ADAMTSL2: variants seen among roughly 807,000 people sequenced by gnomAD.
The protein encoded by ADAMTSL2 is ADAMTS like 2.
ADAMTSL2 carries 55 observed loss-of-function variants against 117.0 expected under a neutral mutation model. That is an observed-to-expected ratio of 0.47 (90% CI 0.38 to 0.59). The LOEUF (loss-of-function observed/expected upper bound fraction) is 0.59, where lower values mean the gene tolerates loss of function less well. Among genes scored for constraint, ADAMTSL2 ranks in the 20% least tolerant of loss-of-function variants. The pLI, the probability that ADAMTSL2 is intolerant of heterozygous loss-of-function variation, is 0.00. For missense variants in ADAMTSL2, 1,182 were observed against 1,354.5 expected, an observed-to-expected ratio of 0.87 and a Z score of 2.00; for synonymous variants, 572 against 566.4, an observed-to-expected ratio of 1.01 and a Z score of -0.14.
chr9:133,571,943 G>A (rs902803573), intron 17 of ADAMTSL2, among the ~76,000 whole-genome samples: 1 of 152,232 alleles, frequency 6.6e-6, no homozygotes, highest in Non-Finnish European at 1.5e-5. Flanking sequence ...AAGTGCCCAG[G>A]TGTGTATCAG....
rs1230438445 is a variant in ADAMTSL2, at chr9:133,553,401, G to A, written c.940-956G>A. 5.9e-5 allele frequency among the ~76,000 whole-genome samples: 9 copies of A among 152,102 alleles called. No individual in the cohort carries two copies. In the South Asian group the frequency reaches 6.2e-4, roughly 10 times the overall value. On this transcript the variant is annotated intron_variant, in intron 9 of 18. Transcript: ENST00000651351. Reference sequence around the variant, plus strand: ...CGAGGGTGTCTTTCTCTGCGGCTGCGCAGACCCTCACCCTCACCTTTCCAT... The same window carrying A: ...CGAGGGTGTCTTTCTCTGCGGCTGCACAGACCCTCACCCTCACCTTTCCAT...
intron 13 of ADAMTSL2, 29 bp downstream of exon 13, chr9:133,567,091 G>A: frequency 6.3e-7 from 1 of 1,590,316 alleles, no homozygotes; most frequent in African/African-American, 1.3e-5. Context: ...CCTGGGCAGG[G>A]GGTCGGCAGG....
chr9:133,565,316 C>G lies in ADAMTSL2; in HGVS notation c.1748-1620C>G, dbSNP rs370961970. 3.1e-4 allele frequency among the ~76,000 whole-genome samples: 47 copies of G among 152,286 alleles called. No individual in the cohort carries two copies. The East Asian group carries it at 5.4e-3, about 18-fold the overall frequency. Reference sequence around the variant, plus strand: ...CATGCTGAGGCCTGGAGTCTGGTCACGGTCACGTCACCCCAGGGAGGCACT... The same window carrying G: ...CATGCTGAGGCCTGGAGTCTGGTCAGGGTCACGTCACCCCAGGGAGGCACT... On this transcript the variant is annotated intron_variant, in intron 12 of 18. Coordinates refer to ENST00000651351, the MANE Select transcript of ADAMTSL2 (RefSeq NM_014694.4).
chr9:133,556,034 G>A (rs998321529), intron 11 of ADAMTSL2, 104 bp downstream of exon 11: 16 of 1,444,370 alleles, frequency 1.1e-5, no homozygotes, highest in Non-Finnish European at 1.5e-5. Context: ...GGCCAGAAGG[G>A]CTGAGGTCCT....
At chr9:133,564,651 A>G (rs1588305525) in intron 12 of ADAMTSL2, among the ~76,000 whole-genome samples, 1 of 102,234 alleles carries the variant, frequency 9.8e-6, no homozygotes, top group Non-Finnish European at 2.0e-5. Flanking sequence ...GGAGAGAGGG[A>G]GAGAGGGAGA....
chr9:133,544,319 G>A (rs548222944), intron 7 of ADAMTSL2, 151 bp from the exon 8 acceptor site: 20 of 749,462 alleles, frequency 2.7e-5, no homozygotes, highest in South Asian at 1.5e-4. Context: ...GCAATGGGAC[G>A]GGGCTGAGCT....
At chr9:133,540,510 G>A in intron 5 of ADAMTSL2, 88 bp from the exon 6 acceptor site, 2 of 1,534,174 alleles carry the variant, frequency 1.3e-6, no homozygotes, top group Admixed American at 3.8e-5. Flanking sequence ...TGCAATGGGA[G>A]CTGTCTCAGA....
At chr9:133,538,212 A>G in intron 3 of ADAMTSL2, 137 bp from the exon 4 acceptor site, 2 of 946,584 alleles carry the variant, frequency 2.1e-6, no homozygotes, top group Non-Finnish European at 1.7e-6. Flanking sequence ...ACGGGGTGGG[A>G]GTTGAGTAGG....
chr9:133,548,803 G>A (rs1306378327), intron 9 of ADAMTSL2, among the ~76,000 whole-genome samples: 3 of 152,186 alleles, frequency 2.0e-5, no homozygotes, highest in Non-Finnish European at 2.9e-5. Context: ...GCAGTTCACC[G>A]AAGGGTGGGG....
rs372427541 is a variant in ADAMTSL2, at chr9:133,547,223, C to T, written c.939+10C>T. ...GGGCCTGAATGTCATGGTACGTGTG[C>T]CGCAGGCCTTGGGGGCCCCAGGGGC... On this transcript the variant is annotated intron_variant, in intron 9 of 18. Coordinates refer to ENST00000651351, the MANE Select transcript of ADAMTSL2 (RefSeq NM_014694.4). The T allele has an allele frequency of 6.1e-5, 99 of 1,611,098 alleles. 1 individual carries two copies. The highest frequency in any genetic ancestry group is 7.9e-5 in the Non-Finnish European group (93 of 1,178,110).
chr9:133,538,777 G>A (rs1830117477), intron 4 of ADAMTSL2, among the ~76,000 whole-genome samples: 1 of 152,160 alleles, frequency 6.6e-6, no homozygotes, highest in African/African-American at 2.4e-5. Context: ...CCCAGCAGTT[G>A]CCAGGCTTCC....
chr9:133,553,613 G>A (rs1380296739), intron 9 of ADAMTSL2, among the ~76,000 whole-genome samples: 1 of 152,200 alleles, frequency 6.6e-6, no homozygotes, highest in Non-Finnish European at 1.5e-5. Context: ...TCTTCCGGGG[G>A]TCTCTGTGCT....
chr9:133,539,895 C>T, intron 5 of ADAMTSL2, 22 bp downstream of exon 5: 1 of 1,548,878 alleles, frequency 6.5e-7, no homozygotes, highest in Non-Finnish European at 8.7e-7. Flanking sequence ...CCTGGGGACC[C>T]ACCTTGCAGG....
rs930521309 is a variant in ADAMTSL2 at position 133,573,781 on chromosome 9, C to T, written c.2593-62C>T. Reference sequence around the variant, plus strand: ...GGGGGAGTGTGCAGGTTCCCCGCCCCCTGCCCAGGCCCCTGCCCCATCAGG... The same window carrying T: ...GGGGGAGTGTGCAGGTTCCCCGCCCTCTGCCCAGGCCCCTGCCCCATCAGG... On this transcript the variant is annotated intron_variant, in intron 17 of 18. Coordinates refer to ENST00000651351, the MANE Select transcript of ADAMTSL2 (RefSeq NM_014694.4). 3.7e-4 allele frequency: 594 copies of T among 1,608,582 alleles called. No homozygotes were observed. In the African/African-American group the frequency reaches 6.9e-3, roughly 19 times the overall value.
chr9:133,554,485 C>T lies in ADAMTSL2; in HGVS notation c.1068C>T (p.Asp356=), dbSNP rs1026897116. ...AGAGCGCTGAGAGCCAGGGCCTGGA[C>T]GGGGCCGGGCTGATGGGCTTCGTCC... The part of the protein sequence containing the change: ...FSESAESQGL[D]GAGLMGFVPH... The change falls in exon 10 of 19, where the codon GAC becomes GAT. Residue 356 remains aspartate, a synonymous_variant. Transcript: ENST00000651351. The surrounding 1 kb of genome is among the most constrained non-coding windows in gnomAD (Gnocchi z 5.2). 2.3e-5 allele frequency: 36 copies of T among 1,551,522 alleles called. No individual in the cohort carries two copies. The highest frequency in any genetic ancestry group is 1.8e-4 in the African/African-American group (13 of 73,342).
chr9:133,539,801 G>A lies in ADAMTSL2; in HGVS notation c.340G>A (p.Glu114Lys), dbSNP rs113994123. Reference sequence around the variant, plus strand: ...TCCGCCGGACGGGAGGAGCTTCCGCGAGGAGCAGTGCGTCTCCTTCAACTC... The same window carrying A: ...TCCGCCGGACGGGAGGAGCTTCCGCAAGGAGCAGTGCGTCTCCTTCAACTC... Reference protein sequence around the residue: ...ECPPDGRSFREEQCVSFNSHV... With the variant: ...ECPPDGRSFRKEQCVSFNSHV... The change falls in exon 5 of 19, where the codon GAG (glutamate) becomes AAG (lysine). Residue 114 changes from glutamate (E) to lysine (K), a missense_variant. Physicochemically the swap from Glu to Lys is moderately conservative, Grantham distance 56 (BLOSUM62 1). Transcript: ENST00000651351. 17 of 1,545,872 alleles carry A rather than the reference G, an allele frequency of 1.1e-5. No homozygotes were observed. The highest frequency in any genetic ancestry group is 5.6e-5 in the African/African-American group (4 of 71,548).
intron 1 of ADAMTSL2, among the ~76,000 whole-genome samples, chr9:133,535,314 T>C (rs972081386): frequency 8.3e-6 from 1 of 120,460 alleles, no homozygotes; most frequent in Non-Finnish European, 1.7e-5. Context: ...AATGGCACAG[T>C]GGAGGGGGCT....
At position 133,554,098 on chromosome 9, in the gene ADAMTSL2, G is replaced by A. The variant is rs1454515474; in HGVS notation, c.940-259G>A. Among the ~76,000 whole-genome samples, 2 of 152,216 alleles carry A rather than the reference G, an allele frequency of 1.3e-5. No homozygotes were observed. Among genetic ancestry groups the A allele is most frequent in the East Asian group, 1.9e-4 (1 of 5,184 alleles). On this transcript the variant is annotated intron_variant, in intron 9 of 18. Transcript: ENST00000651351. This position sits in a 1 kb window ranked among gnomAD's most constrained non-coding sequence, Gnocchi z 5.2. ...CTGGGCGTGCCTGGAAGACTGTGAC[G>A]CCTTGTTGCCTGTACCCAGGGTGGG...
chr9:133,570,211 C>T, intron 16 of ADAMTSL2, 120 bp from the exon 17 acceptor site: 2 of 1,139,822 alleles, frequency 1.8e-6, no homozygotes, highest in Non-Finnish European at 2.5e-6. Context: ...TTGTTATGCA[C>T]TGGAGCATTC....
Sources: gnomAD v4.1 joint callset for allele counts (sites outside exome capture counted in the v4.1 genomes callset) on GRCh38, gnomAD v4.1.1 for gene constraint, Gnocchi (gnomAD v3.1) non-coding constraint, MANE v1.5 for transcripts, NCBI Gene and HGNC (gene_info 2026-07-23, HGNC 2026-07-21) for gene names.